The following PDE4D variants were observed in gnomAD, a reference collection of about 807,000 sequenced individuals.
PDE4D encodes 3',5'-cyclic-AMP phosphodiesterase 4D.
PDE4D carries 24 observed loss-of-function variants against 87.4 expected under a neutral mutation model. The ratio of observed to expected loss-of-function variants is 0.27; its 90% CI spans 0.20 to 0.39. PDE4D has a LOEUF of 0.39. Among genes scored for constraint, PDE4D ranks in the 10% least tolerant of loss-of-function variants. The pLI is 1.00. For synonymous variants in PDE4D, 384 were observed against 383.2 expected, an observed-to-expected ratio of 1.00 and a Z score of -0.02; for missense variants, 714 against 1,041.0, an observed-to-expected ratio of 0.69 and a Z score of 4.32.
At chr5:60,045,829 T>A (rs1769166873) in intron 2 of PDE4D, among the ~76,000 whole-genome samples, 1 of 152,182 alleles carries the variant, frequency 6.6e-6, no homozygotes, top group African/African-American at 2.4e-5. Flanking sequence ...TGGCTTAGGA[T>A]TGACTTGGTG....
At chr5:59,681,352 C>T (rs968072263) in intron 1 of PDE4D, among the ~76,000 whole-genome samples, 2 of 152,012 alleles carry the variant, frequency 1.3e-5, no homozygotes, top group Non-Finnish European at 2.9e-5. Context: ...CACACAGAAA[C>T]AAGCACGAAG....
At chr5:59,898,714 T>A (rs1460578600), upstream of PDE4D, among the ~76,000 whole-genome samples, 1 of 152,200 alleles carries the variant, frequency 6.6e-6, no homozygotes, top group East Asian at 1.9e-4. Context: ...AATAAGTCTA[T>A]AAACCTGCAA....
intron 1 of PDE4D, among the ~76,000 whole-genome samples, chr5:59,480,026 G>A (rs976558336): frequency 7.3e-5 from 11 of 151,464 alleles, no homozygotes; most frequent in Non-Finnish European, 1.5e-4. Context: ...ATATCTTACG[G>A]CATACAGATT....
chr5:59,586,480 A>C, intron 1 of PDE4D: 1 of 1,415,764 alleles, frequency 7.1e-7, no homozygotes, highest in Non-Finnish European at 9.2e-7. Flanking sequence ...TATCGTGGGC[A>C]ATTATTGCAA....
chr5:60,360,614 T>C (rs980654660), intron 1 of PDE4D, among the ~76,000 whole-genome samples: 1 of 152,148 alleles, frequency 6.6e-6, no homozygotes, highest in African/African-American at 2.4e-5. Context: ...CACCAGAGAG[T>C]AGAATATAGG....
chr5:59,749,093 T>C (rs985296808), intron 1 of PDE4D, among the ~76,000 whole-genome samples: 2 of 152,206 alleles, frequency 1.3e-5, no homozygotes, highest in Non-Finnish European at 2.9e-5. Flanking sequence ...ATTGGGGAAA[T>C]TTGTTATATT....
At chr5:59,378,980 T>TTG (rs3061658) in intron 1 of PDE4D, among the ~76,000 whole-genome samples, 235 of 149,516 alleles carry the variant, frequency 1.6e-3, no homozygotes, top group Middle Eastern at 3.4e-3. Flanking sequence ...GTGTGTGTGT[T>TTG]TGTGTGTGTG....
At chr5:60,333,125 C>T (rs754523957) in intron 1 of PDE4D, among the ~76,000 whole-genome samples, 14 of 152,190 alleles carry the variant, frequency 9.2e-5, no homozygotes, top group African/African-American at 1.2e-4. Flanking sequence ...ACTAGATCCA[C>T]TTAACTCTTC....
At chr5:59,167,552 G>C (rs919854498) in intron 5 of PDE4D, among the ~76,000 whole-genome samples, 22 of 152,126 alleles carry the variant, frequency 1.4e-4, no homozygotes, top group Non-Finnish European at 1.3e-4. Context: ...CTAAATTTCT[G>C]AATTATTTTC....
At chr5:59,535,516 A>G (rs1815037237) in intron 1 of PDE4D, among the ~76,000 whole-genome samples, 1 of 152,252 alleles carries the variant, frequency 6.6e-6, no homozygotes. Context: ...ATGCAAAAAC[A>G]AAAAGATAAT....
At chr5:59,529,081 A>T (rs932445472) in intron 1 of PDE4D, 1 of 467,346 alleles carries the variant, frequency 2.1e-6, no homozygotes, top group Non-Finnish European at 4.3e-6. Flanking sequence ...CCTATGCAAG[A>T]TCAGCAAATG....
chr5:59,399,316 A>G (rs1381835524), intron 1 of PDE4D, among the ~76,000 whole-genome samples: 1 of 135,502 alleles, frequency 7.4e-6, no homozygotes, highest in African/African-American at 2.6e-5. Context: ...GCATCACGCT[A>G]CCTGACTTCA....
chr5:59,378,610 C>T (rs1239256669), intron 1 of PDE4D, among the ~76,000 whole-genome samples: 1 of 152,098 alleles, frequency 6.6e-6, no homozygotes, highest in African/African-American at 2.4e-5. Context: ...ACTATGTTCA[C>T]CCTTTTAGGT....
chr5:59,450,913 CA>C (rs1344710947), intron 1 of PDE4D, among the ~76,000 whole-genome samples: 1 of 151,758 alleles, frequency 6.6e-6, no homozygotes, highest in Admixed American at 6.5e-5. Flanking sequence ...TTTCCATAAG[CA>C]CTTATTTTTC....
chr5:58,977,609 G>T (rs1744109881), intron 11 of PDE4D, among the ~76,000 whole-genome samples: 1 of 152,138 alleles, frequency 6.6e-6, no homozygotes, highest in Non-Finnish European at 1.5e-5. Context: ...TAAAGTGAAA[G>T]AATTGGATCT....
chr5:59,473,279 C>A (rs1327344301), intron 1 of PDE4D, among the ~76,000 whole-genome samples: 1 of 152,010 alleles, frequency 6.6e-6, no homozygotes, highest in Non-Finnish European at 1.5e-5. Flanking sequence ...ACTCTAATTT[C>A]TAATCAAAGC....
At chr5:60,367,241 G>GA (rs997800274) in intron 1 of PDE4D, among the ~76,000 whole-genome samples, 2 of 152,058 alleles carry the variant, frequency 1.3e-5, no homozygotes, top group African/African-American at 2.4e-5. Context: ...CTGGAGTCAG[G>GA]AGTTCGAGAC....
Position 59,786,583 on chromosome 5 carries a change from AC to A in PDE4D, c.455+106584del, listed in dbSNP as rs1320155748. Among the ~76,000 whole-genome samples, 3 of 152,190 alleles carry A rather than the reference AC, an allele frequency of 2.0e-5. No homozygotes were observed. The East Asian group carries it at 5.8e-4, about 29-fold the overall frequency. On this transcript the variant is annotated intron_variant, in intron 1 of 14. Transcript: ENST00000340635. ...TGCTACCTGCCTGTGGCAGAAAATA[AC>A]CTTTTTAACAGGGACTTTAGGCGAG...
chr5:59,836,286 T>C (rs1288294497), intron 1 of PDE4D, among the ~76,000 whole-genome samples: 1 of 152,078 alleles, frequency 6.6e-6, no homozygotes, highest in East Asian at 1.9e-4. Flanking sequence ...GGCCCTGTTT[T>C]CTGATATTAT....
Sources: allele counts gnomAD v4.1 joint callset (sites outside exome capture counted in the v4.1 genomes callset), GRCh38; gene constraint gnomAD v4.1.1; transcripts MANE v1.5; gene names NCBI Gene and HGNC (gene_info 2026-07-23, HGNC 2026-07-21).